The following DAB1 variants were observed in gnomAD, a reference collection of about 807,000 sequenced individuals.
The protein encoded by DAB1 is disabled homolog 1.
DAB1 carries 15 observed loss-of-function variants against 64.6 expected under a neutral mutation model. The observed-to-expected ratio is 0.23, with a 90% CI of 0.16 to 0.36. DAB1 has a LOEUF of 0.36. DAB1 is among the 10% of genes least tolerant of loss of function. DAB1 has a pLI of 1.00. For synonymous variants in DAB1, 235 were observed against 251.9 expected, an observed-to-expected ratio of 0.93 and a Z score of 0.64; for missense variants, 596 against 706.7, an observed-to-expected ratio of 0.84 and a Z score of 1.78.
chr1:57,385,725 CT>C (rs1163654178), intron 1 of DAB1, among the ~76,000 whole-genome samples: 1 of 152,140 alleles, frequency 6.6e-6, no homozygotes, highest in Non-Finnish European at 1.5e-5. Flanking sequence ...GGCCTAAAAA[CT>C]TACTGTGTTA....
At chr1:58,306,436 G>GAGTT (rs751405176) in intron 4 of DAB1, among the ~76,000 whole-genome samples, 8 of 152,156 alleles carry the variant, frequency 5.3e-5, no homozygotes, top group Non-Finnish European at 1.0e-4. Flanking sequence ...AGGACGCTTT[G>GAGTT]AGTTGGTAGA....
intron 2 of DAB1, among the ~76,000 whole-genome samples, chr1:57,247,820 T>C (rs541393179): frequency 1.3e-5 from 2 of 152,316 alleles, no homozygotes; most frequent in African/African-American, 4.8e-5. Flanking sequence ...TTCTCCCTGC[T>C]AGTTGGCTGG....
intron 4 of DAB1, among the ~76,000 whole-genome samples, chr1:58,228,034 G>A (rs150715426): frequency 6.6e-6 from 1 of 152,178 alleles, no homozygotes; most frequent in Admixed American, 6.5e-5. Context: ...TAAGCCCATA[G>A]CCTAACTGGT....
chr1:57,607,854 G>C (rs1202713661), intron 7 of DAB1, among the ~76,000 whole-genome samples: 2 of 152,174 alleles, frequency 1.3e-5, no homozygotes, highest in African/African-American at 4.8e-5. Context: ...GATAGGTCCT[G>C]GATTAAACAG....
intron 7 of DAB1, among the ~76,000 whole-genome samples, chr1:57,611,597 T>C (rs1283774564): frequency 2.6e-5 from 4 of 152,086 alleles, no homozygotes; most frequent in Non-Finnish European, 5.9e-5. Flanking sequence ...GAATTCACCC[T>C]TTCATCCAAG....
At chr1:57,572,060 G>A (rs1338268001) in intron 7 of DAB1, among the ~76,000 whole-genome samples, 2 of 152,172 alleles carry the variant, frequency 1.3e-5, no homozygotes, top group Non-Finnish European at 2.9e-5. Flanking sequence ...GGCCAGCTGC[G>A]AGTGGCACTA....
intron 7 of DAB1, among the ~76,000 whole-genome samples, chr1:57,442,738 G>A (rs1686001553): frequency 1.3e-5 from 2 of 152,210 alleles, no homozygotes; most frequent in African/African-American, 4.8e-5. Context: ...AATGTCCCTG[G>A]GCATTCCCCA....
intron 1 of DAB1, among the ~76,000 whole-genome samples, chr1:57,371,832 G>C (rs1257237967): frequency 6.6e-6 from 1 of 152,186 alleles, no homozygotes; most frequent in Non-Finnish European, 1.5e-5. Flanking sequence ...ACAATGTTTT[G>C]AGACATTTTT....
intron 1 of DAB1, among the ~76,000 whole-genome samples, chr1:57,405,753 T>C (rs914366556): frequency 7.2e-5 from 11 of 152,184 alleles, no homozygotes; most frequent in South Asian, 2.1e-4. Flanking sequence ...GAGCTTGTAG[T>C]TCTTATAACA....
At chr1:58,047,309 T>G (rs1179244742) in intron 5 of DAB1, among the ~76,000 whole-genome samples, 1 of 152,258 alleles carries the variant, frequency 6.6e-6, no homozygotes, top group East Asian at 1.9e-4. Context: ...CTGTTATCTT[T>G]CAACATATCC....
At chr1:57,404,981 A>G (rs1683518611) in intron 1 of DAB1, among the ~76,000 whole-genome samples, 1 of 152,222 alleles carries the variant, frequency 6.6e-6, no homozygotes, top group South Asian at 2.1e-4. Context: ...TTCCACAGTA[A>G]CTACTAAGTT....
intron 7 of DAB1, among the ~76,000 whole-genome samples, chr1:57,491,385 G>A (rs962059660): frequency 3.2e-4 from 48 of 152,006 alleles, no homozygotes; most frequent in African/African-American, 1.1e-3. Context: ...CCGAGATTGC[G>A]CCACTGCACT....
chr1:57,421,902 C>CGGGGGGGGG, intron 1 of DAB1, among the ~76,000 whole-genome samples: 1 of 11,710 alleles, frequency 8.5e-5, no homozygotes, highest in Non-Finnish European at 1.7e-4. Flanking sequence ...TGGGGGGTGG[C>CGGGGGGGGG]GGGGGGGGGG....
At chr1:57,645,067 T>C (rs1336494612) in intron 7 of DAB1, among the ~76,000 whole-genome samples, 1 of 152,182 alleles carries the variant, frequency 6.6e-6, no homozygotes, top group African/African-American at 2.4e-5. Context: ...TGCTGCTTCA[T>C]GCTGCCAAGG....
intron 5 of DAB1, among the ~76,000 whole-genome samples, chr1:57,898,333 C>G (rs1347626599): frequency 6.6e-6 from 1 of 152,128 alleles, no homozygotes; most frequent in African/African-American, 2.4e-5. Context: ...TTCCATATTT[C>G]TTTACATTTG....
chr1:57,181,128 T>G (rs1569783608), intron 2 of DAB1, among the ~76,000 whole-genome samples: 1 of 152,216 alleles, frequency 6.6e-6, no homozygotes, highest in East Asian at 1.9e-4. Flanking sequence ...CCCGGTGCTA[T>G]GCATGTAGTA....
At chr1:58,455,132 G>A (rs892428210) in intron 3 of DAB1, among the ~76,000 whole-genome samples, 4 of 152,250 alleles carry the variant, frequency 2.6e-5, no homozygotes, top group African/African-American at 7.2e-5. Flanking sequence ...AACTGGGAGA[G>A]GATCCCAGGA....
intron 2 of DAB1, among the ~76,000 whole-genome samples, chr1:57,163,166 G>A (rs1031639488): frequency 2.0e-5 from 3 of 152,234 alleles, no homozygotes; most frequent in African/African-American, 7.2e-5. Flanking sequence ...GCTGATCTGA[G>A]AGGGGGAAGG....
chr1:57,455,679 G>A (rs1262363358), intron 7 of DAB1, among the ~76,000 whole-genome samples: 1 of 152,058 alleles, frequency 6.6e-6, no homozygotes, highest in East Asian at 1.9e-4. Context: ...ATTTGCCCAA[G>A]GTGCCGTAGC....
Sources: gnomAD v4.1 joint callset for allele counts (sites outside exome capture counted in the v4.1 genomes callset) on GRCh38, gnomAD v4.1.1 for gene constraint, MANE v1.5 for transcripts, NCBI Gene and HGNC (gene_info 2026-07-23, HGNC 2026-07-21) for gene names.